Variants in SND1 observed in about 807,000 individuals in gnomAD.
The protein encoded by SND1 is staphylococcal nuclease domain-containing protein 1.
Under a neutral mutation model 121.7 loss-of-function variants are expected in SND1, and 38 were observed. The ratio of observed to expected loss-of-function variants is 0.31; its 90% confidence interval spans 0.24 to 0.41. SND1 has a LOEUF of 0.41. Ranked by LOEUF, SND1 falls within the 10% of genes least tolerant of loss-of-function variation. The pLI, the probability that SND1 is intolerant of heterozygous loss-of-function variation, is 1.00. For synonymous variants in SND1, 401 were observed against 447.4 expected, an observed-to-expected ratio of 0.90 and a Z score of 1.31; for missense variants, 868 against 1,184.6, an observed-to-expected ratio of 0.73 and a Z score of 3.92.
chr7:128,023,059 C>G (rs1803394520), intron 16 of SND1, among the ~76,000 whole-genome samples: 1 of 152,204 alleles, frequency 6.6e-6, no homozygotes, highest in African/African-American at 2.4e-5. Context: ...TAACAGTCCT[C>G]CCCCATCCAG....
chr7:128,072,721 C>T (rs776277988), intron 16 of SND1, among the ~76,000 whole-genome samples: 1 of 152,168 alleles, frequency 6.6e-6, no homozygotes, highest in Non-Finnish European at 1.5e-5. Context: ...TTCCCCATTC[C>T]TGGCCTCCCA....
Position 127,677,867 on chromosome 7 carries a change from G to A in SND1, c.79-8746G>A, listed in dbSNP as rs114870577. ...GGATTTGGCTAGTAGGCTGTAGTTC[G>A]CCAATCCTGCATTTTATCGTTTTGA... is the stretch of plus-strand genomic sequence containing the variant. On this transcript the variant is annotated intron_variant, in intron 1 of 23. Coordinates refer to ENST00000354725, the MANE Select transcript of SND1 (RefSeq NM_014390.4). 5.8e-3 allele frequency among the ~76,000 whole-genome samples: 881 copies of A among 152,236 alleles called. 15 individuals are homozygous for A. Among genetic ancestry groups the A allele is most frequent in the African/African-American group, 0.02 (839 of 41,536 alleles).
chr7:127,661,893 A>T (rs1795318068), intron 1 of SND1, among the ~76,000 whole-genome samples: 1 of 152,162 alleles, frequency 6.6e-6, no homozygotes, highest in South Asian at 2.1e-4. Flanking sequence ...AGGTGGGTAG[A>T]TCACTTGAGG....
At chr7:127,826,178 C>T (rs922103896) in intron 11 of SND1, among the ~76,000 whole-genome samples, 1 of 152,098 alleles carries the variant, frequency 6.6e-6, no homozygotes, top group African/African-American at 2.4e-5. Flanking sequence ...GCCACAAGAG[C>T]GAAACTCAGT....
intron 11 of SND1, among the ~76,000 whole-genome samples, chr7:127,808,746 A>G (rs1798284092): frequency 6.6e-6 from 1 of 152,228 alleles, no homozygotes; most frequent in East Asian, 1.9e-4. Flanking sequence ...CATGAGGTGG[A>G]GTACGAATGA....
chr7:127,762,681 A>G lies in SND1; in HGVS notation c.1152+41281A>G, dbSNP rs185862780. Among the ~76,000 whole-genome samples, 8 of 152,372 alleles carry G rather than the reference A, an allele frequency of 5.3e-5. No homozygotes were observed. In the East Asian group the frequency reaches 9.6e-4, roughly 18 times the overall value. On this transcript the variant is annotated intron_variant, in intron 10 of 23. Transcript: ENST00000354725. The stretch of plus-strand genomic sequence containing the variant: ...CTTTGCCCTCATCTTTATCTCTGCA[A>G]CTATGACTGAAACTCAAGTTTGTCT...
At chr7:128,038,536 A>G (rs1345376073) in intron 16 of SND1, among the ~76,000 whole-genome samples, 1 of 152,280 alleles carries the variant, frequency 6.6e-6, no homozygotes, top group Non-Finnish European at 1.5e-5. Flanking sequence ...AAACCGGTAT[A>G]GAAGAGGCTG....
In SND1 at chr7:127,985,338, A is replaced by G. The variant is rs115756121; in HGVS notation, c.1670-5609A>G. On this transcript the variant is annotated intron_variant, in intron 15 of 23. Transcript: ENST00000354725. ...AGTGGTACAATCTCAGCTCACTGCA[A>G]CCTCCACTTCTGGAATTCAAGTGGT... is the stretch of plus-strand genomic sequence containing the variant. 5.2e-3 allele frequency among the ~76,000 whole-genome samples: 784 copies of G among 152,202 alleles called. 5 individuals are homozygous for G. Among genetic ancestry groups the G allele is most frequent in the African/African-American group, 0.018 (755 of 41,522 alleles).
At chr7:127,990,301 GAA>G (rs1017846696) in intron 15 of SND1, among the ~76,000 whole-genome samples, 1 of 152,142 alleles carries the variant, frequency 6.6e-6, no homozygotes, top group African/African-American at 2.4e-5. Context: ...GCTGGGATGT[GAA>G]ACTGGGTTTC....
intron 16 of SND1, among the ~76,000 whole-genome samples, chr7:128,025,932 G>A (rs542000700): frequency 1.1e-4 from 16 of 151,536 alleles, no homozygotes; most frequent in Non-Finnish European, 1.6e-4. Context: ...GCCCATTTCT[G>A]TACCTCTCCC....
chr7:128,018,352 C>T (rs1291841512), intron 16 of SND1, among the ~76,000 whole-genome samples: 1 of 152,256 alleles, frequency 6.6e-6, no homozygotes, highest in Non-Finnish European at 1.5e-5. Flanking sequence ...CCCCATCCAG[C>T]TGCTGACAGC....
intron 16 of SND1, chr7:128,030,806 C>T: frequency 1.2e-6 from 1 of 853,994 alleles, no homozygotes; most frequent in South Asian, 2.1e-5. Context: ...AAAATCCTGC[C>T]AAACTCGAGC....
intron 14 of SND1, among the ~76,000 whole-genome samples, chr7:127,927,613 C>T (rs74968620): frequency 0.054 from 8,282 of 152,236 alleles, 655 homozygotes; most frequent in African/African-American, 0.17. Context: ...CCTTTTACCA[C>T]TGTACTGTTA....
intron 1 of SND1, among the ~76,000 whole-genome samples, chr7:127,662,358 A>G (rs1362695176): frequency 6.6e-6 from 1 of 151,946 alleles, no homozygotes; most frequent in Non-Finnish European, 1.5e-5. Flanking sequence ...TTCTTTTTTA[A>G]TGGTTGAGCG....
intron 17 of SND1, among the ~76,000 whole-genome samples, chr7:128,078,880 C>T (rs1477150632): frequency 6.6e-6 from 1 of 152,230 alleles, no homozygotes; most frequent in Non-Finnish European, 1.5e-5. Context: ...TTAACAAGCT[C>T]AGTGCCGGGA....
chr7:127,861,803 G>C (rs889825180), intron 12 of SND1, among the ~76,000 whole-genome samples: 1 of 152,126 alleles, frequency 6.6e-6, no homozygotes, highest in African/African-American at 2.4e-5. Context: ...ACCATTCCAT[G>C]CTATAACCTA....
intron 10 of SND1, among the ~76,000 whole-genome samples, chr7:127,757,825 C>T (rs1248122227): frequency 2.0e-5 from 3 of 152,076 alleles, no homozygotes; most frequent in Admixed American, 1.3e-4. Context: ...TTTGTGGTTG[C>T]CCTTTGTACT....
At position 127,904,510 on chromosome 7, in the gene SND1, G is replaced by A. The variant is rs956548338; in HGVS notation, c.1455-237G>A. 1.7e-5 allele frequency: 6 copies of A among 362,610 alleles called. No individual in the cohort carries two copies. In the Admixed American group the frequency reaches 2.0e-4, roughly 12 times the overall value. 22.5% of individuals were successfully genotyped at this position (362,610 alleles called of 1,614,324 possible). Reference sequence around the variant, plus strand: ...CAGCCCTCTGATTACTAAGCACACTGTTAGTGGAAACTGGCAGCCAAGTGC... The same window carrying A: ...CAGCCCTCTGATTACTAAGCACACTATTAGTGGAAACTGGCAGCCAAGTGC... On this transcript the variant is annotated intron_variant, in intron 13 of 23. Transcript: ENST00000354725.
In SND1 at chr7:128,029,206, T is replaced by C. The variant is rs757471408; in HGVS notation, c.1779+38150T>C. On this transcript the variant is annotated intron_variant, in intron 16 of 23. Transcript: ENST00000354725. The surrounding 1 kb of genome is among the most constrained non-coding windows in gnomAD (Gnocchi z 4.2). ...TATGCCGGCTGGTAACCAGTGGACG[T>C]GGTAGGAACAGGCTTGTACTTTCGC... 5.6e-6 allele frequency: 9 copies of C among 1,614,040 alleles called. No individual in the cohort carries two copies. The Admixed American group carries it at 1.3e-4, about 24-fold the overall frequency.
Sources: allele counts gnomAD v4.1 joint callset (sites outside exome capture counted in the v4.1 genomes callset), GRCh38; gene constraint gnomAD v4.1.1; non-coding constraint Gnocchi (gnomAD v3.1); transcripts MANE v1.5; gene names NCBI Gene and HGNC (gene_info 2026-07-23, HGNC 2026-07-21).